The following NAALADL2 variants were observed in gnomAD, a reference collection of about 807,000 sequenced individuals.
The protein encoded by NAALADL2 is inactive N-acetylated-alpha-linked acidic dipeptidase-like protein 2.
In NAALADL2, 76 loss-of-function variants were observed where a neutral mutation model predicts 87.2. The observed-to-expected ratio is 0.87, with a 90% CI of 0.72 to 1.05. NAALADL2 has a LOEUF of 1.05. NAALADL2 is among the 50% of genes least tolerant of loss of function. The pLI is 0.00. For missense variants in NAALADL2, 1,089 were observed against 945.8 expected (o/e 1.15, Z -1.99); for synonymous variants, 354 against 331.0 (o/e 1.07, Z -0.75).
intron 1 of NAALADL2, among the ~76,000 whole-genome samples, chr3:174,518,161 C>A (rs1578068344): frequency 2.0e-5 from 3 of 152,192 alleles, no homozygotes. Context: ...CTTCCTGTTA[C>A]CTAGAGAGGC....
intron 2 of NAALADL2, among the ~76,000 whole-genome samples, chr3:174,702,419 A>T (rs568216074): frequency 6.6e-6 from 1 of 152,284 alleles, no homozygotes; most frequent in African/African-American, 2.4e-5. Flanking sequence ...AGCACTGGGG[A>T]TACATTGAAG....
chr3:175,063,654 T>C (rs1304358456), intron 1 of NAALADL2, among the ~76,000 whole-genome samples: 1 of 151,938 alleles, frequency 6.6e-6, no homozygotes, highest in Non-Finnish European at 1.5e-5. Context: ...ATTTTTTTAC[T>C]TCTATTTTTT....
intron 1 of NAALADL2, among the ~76,000 whole-genome samples, chr3:174,522,912 C>G (rs1195298414): frequency 2.6e-5 from 3 of 113,730 alleles, no homozygotes; most frequent in Non-Finnish European, 4.9e-5. Context: ...CCAGCTTGGG[C>G]GAAAGAGCGA....
intron 5 of NAALADL2, among the ~76,000 whole-genome samples, chr3:175,438,565 A>G (rs1041231475): frequency 6.6e-6 from 1 of 152,058 alleles, no homozygotes; most frequent in Non-Finnish European, 1.5e-5. Flanking sequence ...GTGTTTTAAA[A>G]TCTCAGTTTT....
chr3:174,774,454 C>A (rs573325332), intron 3 of NAALADL2, among the ~76,000 whole-genome samples: 1 of 152,098 alleles, frequency 6.6e-6, no homozygotes, highest in African/African-American at 2.4e-5. Flanking sequence ...ATCTTGACTT[C>A]GAGGAGAAAC....
At chr3:174,927,252 A>C (rs1736202777) in intron 1 of NAALADL2, among the ~76,000 whole-genome samples, 1 of 152,170 alleles carries the variant, frequency 6.6e-6, no homozygotes, top group African/African-American at 2.4e-5. Context: ...CCCACACAAT[A>C]ATAATGGGAG....
At chr3:175,306,537 C>G (rs962596458) in intron 4 of NAALADL2, among the ~76,000 whole-genome samples, 1 of 152,094 alleles carries the variant, frequency 6.6e-6, no homozygotes, top group African/African-American at 2.4e-5. Context: ...AGCGGCCAGA[C>G]GCGGTGGCTC....
At chr3:174,613,866 T>C (rs1720185512) in intron 2 of NAALADL2, among the ~76,000 whole-genome samples, 1 of 152,218 alleles carries the variant, frequency 6.6e-6, no homozygotes, top group Non-Finnish European at 1.5e-5. Flanking sequence ...CTGCTGGTTA[T>C]TCAGGGCTCA....
At chr3:174,952,246 ATATTT>A (rs1323597082) in intron 1 of NAALADL2, among the ~76,000 whole-genome samples, 2 of 152,292 alleles carry the variant, frequency 1.3e-5, no homozygotes, top group East Asian at 3.9e-4. Flanking sequence ...AGGTTGTCTT[ATATTT>A]TAATCTTCAG....
intron 11 of NAALADL2, among the ~76,000 whole-genome samples, chr3:175,736,659 T>TTCAGCCAAACTTCAC (rs1744543779): frequency 6.6e-6 from 1 of 152,252 alleles, no homozygotes; most frequent in South Asian, 2.1e-4. Context: ...CAAAACTTCC[T>TTCAGCCAAACTTCAC]GATTCTGAAA....
chr3:175,731,684 A>C (rs1172174550), intron 11 of NAALADL2, among the ~76,000 whole-genome samples: 4 of 152,188 alleles, frequency 2.6e-5, no homozygotes, highest in Admixed American at 2.0e-4. Context: ...TAGTCTAACC[A>C]TTCCGTTGTG....
chr3:174,887,945 A>G (rs992573442), intron 1 of NAALADL2, among the ~76,000 whole-genome samples: 2 of 152,120 alleles, frequency 1.3e-5, no homozygotes, highest in Non-Finnish European at 2.9e-5. Flanking sequence ...ATGAGATTAT[A>G]TCAGCTGATG....
At position 175,614,088 on chromosome 3, in the gene NAALADL2, C is replaced by T. The variant is rs116681976; in HGVS notation, c.1801-13203C>T. Among the ~76,000 whole-genome samples, 920 of 152,202 alleles carry T rather than the reference C, an allele frequency of 6.0e-3. 6 individuals carry two copies. Among genetic ancestry groups the T allele is most frequent in the African/African-American group, 0.021 (860 of 41,536 alleles). ...TTTTTCCCAAGACGGAGTCTTGCTC[C>T]GTCACCCAGGTTGGAATGCAGTGGC... On this transcript the variant is annotated intron_variant, in intron 10 of 13. Coordinates refer to ENST00000454872, the MANE Select transcript of NAALADL2 (RefSeq NM_207015.3).
At chr3:174,713,757 T>G (rs1730913326) in intron 2 of NAALADL2, among the ~76,000 whole-genome samples, 2 of 152,058 alleles carry the variant, frequency 1.3e-5, no homozygotes, top group East Asian at 3.9e-4. Flanking sequence ...GGTTGCCTGT[T>G]CACTCTGATG....
At chr3:175,317,153 A>G (rs1036569071) in intron 4 of NAALADL2, among the ~76,000 whole-genome samples, 1 of 152,166 alleles carries the variant, frequency 6.6e-6, no homozygotes, top group Non-Finnish European at 1.5e-5. Flanking sequence ...TTCTGTATTG[A>G]TTATAAAAGG....
intron 1 of NAALADL2, among the ~76,000 whole-genome samples, chr3:174,875,020 G>A (rs1355765526): frequency 6.6e-6 from 1 of 150,820 alleles, no homozygotes; most frequent in African/African-American, 2.4e-5. Flanking sequence ...GGCTGAGGTG[G>A]GAGGATTGTT....
At chr3:175,611,336 A>T (rs1724618017) in intron 10 of NAALADL2, among the ~76,000 whole-genome samples, 1 of 152,120 alleles carries the variant, frequency 6.6e-6, no homozygotes, top group Non-Finnish European at 1.5e-5. Flanking sequence ...AGTTAACTTG[A>T]GAGAGAATTG....
At chr3:175,754,712 A>C (rs1285767532) in intron 12 of NAALADL2, among the ~76,000 whole-genome samples, 1 of 152,182 alleles carries the variant, frequency 6.6e-6, no homozygotes, top group African/African-American at 2.4e-5. Context: ...TGAGTCAGAA[A>C]GATCAAACTT....
chr3:174,929,191 T>C (rs1706540209), intron 1 of NAALADL2, among the ~76,000 whole-genome samples: 1 of 152,160 alleles, frequency 6.6e-6, no homozygotes, highest in South Asian at 2.1e-4. Flanking sequence ...TGTATAGGAA[T>C]ACGTGGAGCA....
Sources: allele counts gnomAD v4.1 joint callset (sites outside exome capture counted in the v4.1 genomes callset), GRCh38; gene constraint gnomAD v4.1.1; transcripts MANE v1.5; gene names NCBI Gene and HGNC (gene_info 2026-07-23, HGNC 2026-07-21).